SLC41A2: variants seen among roughly 807,000 people sequenced by gnomAD.
The protein encoded by SLC41A2 is solute carrier family 41 member 2.
Under a neutral mutation model 58.3 loss-of-function variants are expected in SLC41A2, and 32 were observed. That is an observed-to-expected ratio of 0.55 (90% confidence interval 0.41 to 0.74). The LOEUF is 0.74. Among genes scored for constraint, SLC41A2 ranks in the 30% least tolerant of loss-of-function variants. The pLI, the probability that SLC41A2 is intolerant of heterozygous loss-of-function variation, is 0.00. For missense variants in SLC41A2, 514 were observed against 680.6 expected (o/e 0.76, Z 2.72); for synonymous variants, 190 against 235.0 (o/e 0.81, Z 1.75).
At chr12:104,814,323 T>C (rs1479249315) in intron 10 of SLC41A2, among the ~76,000 whole-genome samples, 2 of 152,084 alleles carry the variant, frequency 1.3e-5, no homozygotes, top group Non-Finnish European at 2.9e-5. Flanking sequence ...AGGCAGAGCT[T>C]GCAGTGAGCT....
chr12:104,833,856 CTGAG>C (rs1011303725), intron 10 of SLC41A2, among the ~76,000 whole-genome samples: 2 of 151,700 alleles, frequency 1.3e-5, no homozygotes, highest in Non-Finnish European at 2.9e-5. Context: ...GGCAAATTTC[CTGAG>C]TAATTATTTT....
intron 10 of SLC41A2, among the ~76,000 whole-genome samples, chr12:104,827,910 T>C (rs1030647948): frequency 3.9e-5 from 6 of 152,108 alleles, no homozygotes; most frequent in African/African-American, 1.4e-4. Flanking sequence ...TAAGACGGAA[T>C]TGGAGAAGAA....
At chr12:104,830,829 A>G (rs936878715) in intron 10 of SLC41A2, among the ~76,000 whole-genome samples, 2 of 152,198 alleles carry the variant, frequency 1.3e-5, no homozygotes, top group African/African-American at 4.8e-5. Context: ...GCTATTTCCT[A>G]CATTATATTA....
chr12:104,825,186 G>A (rs2041795260), intron 10 of SLC41A2, among the ~76,000 whole-genome samples: 1 of 152,148 alleles, frequency 6.6e-6, no homozygotes, highest in African/African-American at 2.4e-5. Flanking sequence ...TTTCCTAGAG[G>A]TGCATGTATG....
chr12:104,854,698 G>C (rs571755594), intron 8 of SLC41A2, among the ~76,000 whole-genome samples: 1 of 152,152 alleles, frequency 6.6e-6, no homozygotes, highest in South Asian at 2.1e-4. Context: ...GGTACCTCTG[G>C]TTACAAATGG....
chr12:104,811,798 A>T (rs1365771573), intron 10 of SLC41A2, among the ~76,000 whole-genome samples: 1 of 152,250 alleles, frequency 6.6e-6, no homozygotes, highest in Admixed American at 6.5e-5. Context: ...TGAGAAAAGA[A>T]GTCAGTATGT....
chr12:104,925,870 C>T (rs1441605346), intron 2 of SLC41A2, among the ~76,000 whole-genome samples: 1 of 152,156 alleles, frequency 6.6e-6, no homozygotes, highest in Non-Finnish European at 1.5e-5. Context: ...CAAACCAAAA[C>T]CAGCCTATTT....
chr12:104,928,294 A>T lies in SLC41A2; in HGVS notation c.234T>A (p.Asn78Lys). 6.2e-7 allele frequency: 1 copy of T among 1,612,808 alleles called. No homozygotes were observed. ...GATACTCCATGTGTTGCTCAGATCT[A>T]TTACTAAAAGTCTGTACTGCAGTTG... ...GLSTAVQTFS[N>K]RSEQHMEYHS... The change falls in exon 2 of 11, where the codon AAT (asparagine) becomes AAA (lysine). Residue 78 changes from asparagine (N) to lysine (K), a missense_variant. Asn to Lys is a moderately conservative substitution (Grantham distance 94). Around this residue, in one of 3 missense-constraint regions of SLC41A2, gnomAD observed 336 missense variants for 430.0 expected, o/e 0.78. Coordinates refer to ENST00000258538, the MANE Select transcript of SLC41A2 (RefSeq NM_001352171.3).
chr12:104,856,527 G>A (rs373106153), intron 8 of SLC41A2, among the ~76,000 whole-genome samples: 17 of 152,238 alleles, frequency 1.1e-4, no homozygotes, highest in Admixed American at 2.6e-4. Context: ...TGAGAAGGCA[G>A]AGCACTATGG....
At chr12:104,854,896 C>T (rs2042967248) in intron 8 of SLC41A2, among the ~76,000 whole-genome samples, 1 of 152,074 alleles carries the variant, frequency 6.6e-6, no homozygotes, top group South Asian at 2.1e-4. Flanking sequence ...TGTATTTTCA[C>T]CTGTCTTTCT....
chr12:104,942,815 A>G (rs2047562704), intron 1 of SLC41A2, among the ~76,000 whole-genome samples: 1 of 152,158 alleles, frequency 6.6e-6, no homozygotes. Flanking sequence ...TACGTACTCT[A>G]TCTTGTTACA....
At chr12:104,907,844 A>G (rs1289992188) in intron 3 of SLC41A2, among the ~76,000 whole-genome samples, 2 of 152,214 alleles carry the variant, frequency 1.3e-5, no homozygotes, top group Admixed American at 6.5e-5. Context: ...CTGGCATATA[A>G]TAAGAGCTCA....
chr12:104,914,036 T>G (rs2135800627), intron 2 of SLC41A2, among the ~76,000 whole-genome samples: 1 of 152,028 alleles, frequency 6.6e-6, no homozygotes, highest in East Asian at 1.9e-4. Flanking sequence ...CATTCCAGCC[T>G]GGGTGACAGG....
chr12:104,847,245 GA>G (rs796572162), intron 8 of SLC41A2, among the ~76,000 whole-genome samples: 130 of 151,524 alleles, frequency 8.6e-4, no homozygotes, highest in African/African-American at 2.6e-3. Flanking sequence ...TATCAAGGGG[GA>G]AAAAAATGGC....
At chr12:104,892,584 G>T (rs1403531310) in intron 4 of SLC41A2, among the ~76,000 whole-genome samples, 2 of 151,910 alleles carry the variant, frequency 1.3e-5, no homozygotes, top group Non-Finnish European at 2.9e-5. Flanking sequence ...AAAACTGGAG[G>T]AATCACATTA....
At chr12:104,871,894 G>A (rs909600093) in intron 6 of SLC41A2, among the ~76,000 whole-genome samples, 3 of 152,178 alleles carry the variant, frequency 2.0e-5, no homozygotes, top group Non-Finnish European at 2.9e-5. Flanking sequence ...TATAGAAAAA[G>A]CTATAATGAC....
At chr12:104,909,561 A>T in intron 3 of SLC41A2, 94 bp downstream of exon 3, 1 of 841,160 alleles carries the variant, frequency 1.2e-6, no homozygotes, top group Non-Finnish European at 1.9e-6. Context: ...GCAGAAGCAT[A>T]TCAGAGAAAG....
intron 1 of SLC41A2, among the ~76,000 whole-genome samples, 172 bp from the exon 2 acceptor site, chr12:104,928,866 G>T (rs1389635020): frequency 6.6e-6 from 1 of 152,154 alleles, no homozygotes; most frequent in East Asian, 1.9e-4. Flanking sequence ...CCACACAACT[G>T]CTTTGTGTAC....
At chr12:104,847,297 G>T (rs1014922235) in intron 8 of SLC41A2, among the ~76,000 whole-genome samples, 2 of 151,838 alleles carry the variant, frequency 1.3e-5, no homozygotes, top group African/African-American at 4.8e-5. Flanking sequence ...GACGAACATC[G>T]AATAAAGTTT....
Sources: allele counts gnomAD v4.1 joint callset (sites outside exome capture counted in the v4.1 genomes callset), GRCh38; gene constraint gnomAD v4.1.1; regional missense constraint gnomAD v4.1.1; transcripts MANE v1.5; gene names NCBI Gene and HGNC (gene_info 2026-07-23, HGNC 2026-07-21).